Variants in CAMTA1 observed in about 807,000 individuals in gnomAD.
The protein encoded by CAMTA1 is calmodulin-binding transcription activator 1.
CAMTA1 carries 27 observed loss-of-function variants against 170.9 expected under a neutral mutation model. That is an observed-to-expected ratio of 0.16 (90% CI 0.12 to 0.22). CAMTA1 has a LOEUF of 0.22. CAMTA1 is among the 10% of genes least tolerant of loss of function. CAMTA1 has a pLI of 1.00. For missense variants in CAMTA1, 1,619 were observed against 2,217.2 expected (o/e 0.73, Z 5.42); for synonymous variants, 833 against 891.5 (o/e 0.93, Z 1.17).
At chr1:7,380,988 G>A (rs542785938) in intron 5 of CAMTA1, among the ~76,000 whole-genome samples, 19 of 152,292 alleles carry the variant, frequency 1.2e-4, no homozygotes, top group African/African-American at 4.3e-4. Context: ...CTAAGGTCAT[G>A]CAAGGATGGC....
intron 6 of CAMTA1, among the ~76,000 whole-genome samples, chr1:7,473,017 C>T (rs1279047140): frequency 4.6e-5 from 7 of 152,180 alleles, no homozygotes; most frequent in Non-Finnish European, 8.8e-5. Flanking sequence ...TGGGCAGGAT[C>T]CAGGCTTCCC....
At chr1:7,408,052 G>T (rs560787177) in intron 5 of CAMTA1, among the ~76,000 whole-genome samples, 1 of 152,142 alleles carries the variant, frequency 6.6e-6, no homozygotes, top group Admixed American at 6.5e-5. Flanking sequence ...GCCTGGCACC[G>T]GCCACGAGGC....
intron 11 of CAMTA1, among the ~76,000 whole-genome samples, chr1:7,683,610 G>C (rs886248527): frequency 2.0e-5 from 3 of 152,072 alleles, no homozygotes; most frequent in Non-Finnish European, 4.4e-5. Flanking sequence ...TAGCGCATGG[G>C]CCCCTGGGTA....
At chr1:6,876,363 TA>T (rs1557745788) in intron 3 of CAMTA1, among the ~76,000 whole-genome samples, 1 of 150,958 alleles carries the variant, frequency 6.6e-6, no homozygotes, top group East Asian at 1.9e-4. Flanking sequence ...TTTAATTAAT[TA>T]ATTTTTTTTT....
chr1:6,811,806 G>A (rs1335980393), intron 1 of CAMTA1, among the ~76,000 whole-genome samples: 2 of 152,152 alleles, frequency 1.3e-5, no homozygotes, highest in South Asian at 2.1e-4. Flanking sequence ...CCAGATAGCC[G>A]ACCTCCATTC....
At chr1:6,930,804 G>A (rs578095034) in intron 3 of CAMTA1, among the ~76,000 whole-genome samples, 91 of 152,318 alleles carry the variant, frequency 6.0e-4, no homozygotes, top group African/African-American at 1.9e-3. Context: ...GTAAGGCTCA[G>A]CCCCTGCTCT....
chr1:6,909,248 A>G (rs1679206093), intron 3 of CAMTA1, among the ~76,000 whole-genome samples: 1 of 152,222 alleles, frequency 6.6e-6, no homozygotes, highest in African/African-American at 2.4e-5. Flanking sequence ...AGGACACACA[A>G]AGTCACCTAA....
chr1:7,421,528 G>T (rs887797071), intron 5 of CAMTA1, among the ~76,000 whole-genome samples: 41 of 152,162 alleles, frequency 2.7e-4, no homozygotes, highest in African/African-American at 9.7e-4. Context: ...ATTGCTCTGG[G>T]ACTTATTAGT....
At chr1:7,178,819 T>C (rs927483664) in intron 4 of CAMTA1, among the ~76,000 whole-genome samples, 2 of 152,188 alleles carry the variant, frequency 1.3e-5, no homozygotes, top group Admixed American at 1.3e-4. Context: ...GAACACAACA[T>C]GGTACCAAGA....
Position 7,532,099 on chromosome 1 carries a change from G to T in CAMTA1, c.510+64198G>T, listed in dbSNP as rs1240355234. On this transcript the variant is annotated intron_variant, in intron 6 of 22. Coordinates refer to ENST00000303635, the MANE Select transcript of CAMTA1 (RefSeq NM_015215.4). This position sits in a 1 kb window ranked among gnomAD's most constrained non-coding sequence, Gnocchi z 4.2. ...GGGCGGCGAATGAGTGACAGAAAAG[G>T]AGGCAGGTGACTCCAGCGGTACCTG... Among the ~76,000 whole-genome samples, 1 of 152,042 alleles carries T rather than the reference G, an allele frequency of 6.6e-6. No homozygotes were observed. The highest frequency in any genetic ancestry group is 1.9e-4 in the East Asian group (1 of 5,184).
chr1:7,136,196 C>T (rs1251922880), intron 4 of CAMTA1, among the ~76,000 whole-genome samples: 1 of 152,228 alleles, frequency 6.6e-6, no homozygotes, highest in Non-Finnish European at 1.5e-5. Context: ...TCCACACTCT[C>T]AGCTTTTGGC....
chr1:7,392,918 T>TA (rs1041951204), intron 5 of CAMTA1, among the ~76,000 whole-genome samples: 6 of 152,100 alleles, frequency 3.9e-5, no homozygotes, highest in African/African-American at 1.2e-4. Flanking sequence ...GTGTGGTGGT[T>TA]AGTGCACACC....
At chr1:6,998,758 A>G (rs1697725918) in intron 3 of CAMTA1, among the ~76,000 whole-genome samples, 1 of 152,238 alleles carries the variant, frequency 6.6e-6, no homozygotes, top group Non-Finnish European at 1.5e-5. Context: ...TGCAAAATTA[A>G]TCAATAATTA....
chr1:7,406,441 G>A (rs565357182), intron 5 of CAMTA1, among the ~76,000 whole-genome samples: 2 of 152,164 alleles, frequency 1.3e-5, no homozygotes, highest in African/African-American at 4.8e-5. Context: ...TCGGGATAGG[G>A]AAGGGCCTGA....
intron 4 of CAMTA1, among the ~76,000 whole-genome samples, chr1:7,107,305 C>G (rs1017354820): frequency 3.3e-5 from 1 of 30,312 alleles, no homozygotes; most frequent in Non-Finnish European, 6.2e-5. Context: ...TGTGTGTGCG[C>G]GCCCACACAC....
Position 7,426,025 on chromosome 1 carries a change from T to C in CAMTA1, c.439-41805T>C, listed in dbSNP as rs1312225363. Among the ~76,000 whole-genome samples, 3 of 152,102 alleles carry C rather than the reference T, an allele frequency of 2.0e-5. No individual in the cohort carries two copies. The highest frequency in any genetic ancestry group is 7.2e-5 in the African/African-American group (3 of 41,380). ...TGCAGTGACTGGCACTACACATGCT[T>C]GAGATCACAGGTGAGCTGCGGTCCT... On this transcript the variant is annotated intron_variant, in intron 5 of 22. Transcript: ENST00000303635. This position sits in a 1 kb window ranked among gnomAD's most constrained non-coding sequence, Gnocchi z 4.8.
chr1:7,043,159 GGCCTCTGGGCAGGCTT>G (rs1704746103), intron 3 of CAMTA1, among the ~76,000 whole-genome samples: 1 of 152,226 alleles, frequency 6.6e-6, no homozygotes, highest in Non-Finnish European at 1.5e-5. Context: ...CGCTGGCACA[GGCCTCTGGGCAGGCTT>G]GCTTTCATAG....
chr1:7,462,973 C>T (rs1012364602), intron 5 of CAMTA1, among the ~76,000 whole-genome samples: 4 of 152,196 alleles, frequency 2.6e-5, no homozygotes, highest in African/African-American at 9.6e-5. Flanking sequence ...GTCGGGGGCT[C>T]CTGGAGGGGG....
rs530813007 is a variant in CAMTA1 at position 6,973,820 on chromosome 1, C to T, written c.235-117484C>T. Among the ~76,000 whole-genome samples, 86 of 152,270 alleles carry T rather than the reference C, an allele frequency of 5.6e-4. 2 individuals carry two copies. Among genetic ancestry groups the T allele is most frequent in the African/African-American group, 1.3e-3 (54 of 41,558 alleles). On this transcript the variant is annotated intron_variant, in intron 3 of 22. Coordinates refer to ENST00000303635, the MANE Select transcript of CAMTA1 (RefSeq NM_015215.4). ...TGGCCCTGAGAGCGAATGAAAGTAT[C>T]GCCTCATCTCCCTTCTACAGTGGCT...
Sources: gnomAD v4.1 joint callset for allele counts (sites outside exome capture counted in the v4.1 genomes callset) on GRCh38, gnomAD v4.1.1 for gene constraint, Gnocchi (gnomAD v3.1) non-coding constraint, MANE v1.5 for transcripts, NCBI Gene and HGNC (gene_info 2026-07-23, HGNC 2026-07-21) for gene names.